Variants in MSMB observed in about 807,000 individuals in gnomAD.
MSMB encodes the protein microseminoprotein beta, also known as beta-microseminoprotein.
In MSMB, 10 loss-of-function variants were observed where a neutral mutation model predicts 10.5. The observed-to-expected ratio is 0.95, with a 90% CI of 0.59 to 1.62. The LOEUF (loss-of-function observed/expected upper bound fraction) is 1.62. MSMB is among the 40% of genes most tolerant of loss of function. The pLI is 0.00. For missense variants in MSMB, 126 were observed against 137.4 expected (o/e 0.92, Z 0.42); for synonymous variants, 43 against 46.5 (o/e 0.93, Z 0.30).
At chr10:46,039,806 C>T (rs565418103) in intron 2 of MSMB, among the ~76,000 whole-genome samples, 180 bp downstream of exon 2, 26 of 152,284 alleles carry the variant, frequency 1.7e-4, no homozygotes, top group African/African-American at 4.8e-5. Flanking sequence ...CACTGGAACC[C>T]GGGAGGAGGA....
intron 1 of MSMB, among the ~76,000 whole-genome samples, chr10:46,040,885 C>T (rs782469934): frequency 9.9e-5 from 15 of 150,908 alleles, no homozygotes; most frequent in South Asian, 2.2e-4. Context: ...ACCCAGGAGG[C>T]GGACCTTGCA....
At chr10:46,045,113 C>T (rs567035309) in intron 1 of MSMB, among the ~76,000 whole-genome samples, 2 of 152,308 alleles carry the variant, frequency 1.3e-5, no homozygotes, top group East Asian at 3.9e-4. Context: ...TGTTTCTTGC[C>T]TCATCTCCCT....
Position 46,043,435 on chromosome 10 carries a change from G to GTCTCTCTCTC in MSMB, c.3+2790_3+2799dup, listed in dbSNP as rs149445497. Among the ~76,000 whole-genome samples, 393 of 124,470 alleles carry GTCTCTCTCTC rather than the reference G, an allele frequency of 3.2e-3. 4 individuals carry two copies. The highest frequency in any genetic ancestry group is 8.0e-3 in the African/African-American group (268 of 33,648). 81.7% of individuals were successfully genotyped at this position (124,470 alleles called of 152,430 possible). A position where few individuals can be genotyped will look rare whatever the true frequency, so the allele number is the denominator to read the frequency against. ...TCCCTCCCTCCCTCCCTCCCTTTCTGTCTCTCTCTCTCTCTCTCTCTGAAA... is the reference window on the plus strand; with the variant it reads ...TCCCTCCCTCCCTCCCTCCCTTTCTGTCTCTCTCTCTCTCTCTCTCTCTCTCTCTCTGAAA... On this transcript the variant is annotated intron_variant, in intron 1 of 3. Coordinates refer to ENST00000582163, the MANE Select transcript of MSMB (RefSeq NM_002443.4).
At chr10:46,042,335 C>T (rs1438800536) in intron 1 of MSMB, among the ~76,000 whole-genome samples, 2 of 151,992 alleles carry the variant, frequency 1.3e-5, no homozygotes, top group African/African-American at 4.8e-5. Context: ...AAAAGTTCAA[C>T]TTACTGATAA....
intron 3 of MSMB, among the ~76,000 whole-genome samples, chr10:46,034,741 C>G (rs1241868447): frequency 6.6e-6 from 1 of 151,314 alleles, no homozygotes; most frequent in Non-Finnish European, 1.5e-5. Context: ...AGGAGAATGG[C>G]GTGAACCCAG....
chr10:46,044,449 G>A (rs1426063943), intron 1 of MSMB, among the ~76,000 whole-genome samples: 2 of 145,806 alleles, frequency 1.4e-5, no homozygotes, highest in African/African-American at 5.1e-5. Flanking sequence ...GGTGGCGGGC[G>A]CCTGTAGTCC....
intron 2 of MSMB, 82 bp from the exon 3 acceptor site, chr10:46,039,153 T>C (rs1041087123): frequency 6.1e-6 from 7 of 1,140,496 alleles, no homozygotes; most frequent in Non-Finnish European, 9.1e-6. Flanking sequence ...CTGCCCCTAC[T>C]ATCTACACCC....
intron 1 of MSMB, among the ~76,000 whole-genome samples, chr10:46,040,835 TC>T (rs373082177): frequency 4.1e-4 from 62 of 152,144 alleles, no homozygotes; most frequent in African/African-American, 1.4e-3. Context: ...GTGCCTGTAG[TC>T]CCAGCTACTC....
chr10:46,044,565 C>T (rs1040052722), intron 1 of MSMB, among the ~76,000 whole-genome samples: 25 of 100,944 alleles, frequency 2.5e-4, no homozygotes, highest in African/African-American at 1.1e-3. Flanking sequence ...GACAGAGAGA[C>T]TCCGTCTCAG....
At chr10:46,043,328 A>C (rs955939457) in intron 1 of MSMB, among the ~76,000 whole-genome samples, 4 of 152,202 alleles carry the variant, frequency 2.6e-5, no homozygotes, top group Admixed American at 2.0e-4. Flanking sequence ...ACATGGTGAC[A>C]GCAGAGAGCA....
At chr10:46,044,962 C>T (rs1840858353) in intron 1 of MSMB, among the ~76,000 whole-genome samples, 1 of 152,084 alleles carries the variant, frequency 6.6e-6, no homozygotes, top group African/African-American at 2.4e-5. Context: ...CCTCCCACCC[C>T]ACTGTTGTTT....
chr10:46,038,336 G>C (rs1554927834), intron 3 of MSMB, among the ~76,000 whole-genome samples: 1 of 151,746 alleles, frequency 6.6e-6, no homozygotes, highest in Non-Finnish European at 1.5e-5. Context: ...CGCCCAGGCT[G>C]GAGTGCAGTG....
chr10:46,037,289 A>T (rs192362024), intron 3 of MSMB, among the ~76,000 whole-genome samples: 3 of 152,292 alleles, frequency 2.0e-5, no homozygotes, highest in Admixed American at 2.0e-4. Context: ...TCTGTATTTC[A>T]TCAAGCTTCC....
Position 46,044,406 on chromosome 10 carries a change from C to A in MSMB, c.3+1829G>T, listed in dbSNP as rs12765095. Among the ~76,000 whole-genome samples the A allele has an allele frequency of 2.4e-3, 362 of 150,436 alleles. 1 individual carries two copies. The highest frequency in any genetic ancestry group is 0.019 in the East Asian group (93 of 4,946). On this transcript the variant is annotated intron_variant, in intron 1 of 3. Coordinates refer to ENST00000582163, the MANE Select transcript of MSMB (RefSeq NM_002443.4). ...CCTGGCTAACATGGTGAAACCCCGT[C>A]TCTACTAAAAATACAAAAAATTAGC...
chr10:46,041,659 TG>T (rs1840756992), intron 1 of MSMB, among the ~76,000 whole-genome samples: 1 of 151,282 alleles, frequency 6.6e-6, no homozygotes, highest in South Asian at 2.1e-4. Context: ...GTGGGTATGG[TG>T]GTGTGTCCCT....
chr10:46,039,154 A>G (rs1840685359), intron 2 of MSMB, 83 bp from the exon 3 acceptor site: 4 of 1,137,642 alleles, frequency 3.5e-6, no homozygotes, highest in Non-Finnish European at 3.9e-6. Flanking sequence ...TGCCCCTACT[A>G]TCTACACCCC....
At chr10:46,034,219 T>A (rs1159503953) in intron 3 of MSMB, among the ~76,000 whole-genome samples, 9 of 152,178 alleles carry the variant, frequency 5.9e-5, no homozygotes, top group East Asian at 5.8e-4. Flanking sequence ...TTTAAGCGAT[T>A]CTCCTGCCTC....
intron 2 of MSMB, among the ~76,000 whole-genome samples, chr10:46,039,761 A>C (rs965384401): frequency 6.6e-6 from 1 of 152,228 alleles, no homozygotes; most frequent in African/African-American, 2.4e-5. Flanking sequence ...ACACACCTGT[A>C]GTCCCAGCTA....
intron 1 of MSMB, among the ~76,000 whole-genome samples, chr10:46,043,371 G>A (rs1554928888): frequency 6.6e-6 from 1 of 152,024 alleles, no homozygotes; most frequent in African/African-American, 2.4e-5. Flanking sequence ...CCACTTGACA[G>A]TATCTCAGAA....
Sources: allele counts gnomAD v4.1 joint callset (sites outside exome capture counted in the v4.1 genomes callset), GRCh38; gene constraint gnomAD v4.1.1; transcripts MANE v1.5; gene names NCBI Gene and HGNC (gene_info 2026-07-23, HGNC 2026-07-21).